Variants in KDM5A observed in about 807,000 individuals in gnomAD.
KDM5A encodes the protein lysine-specific demethylase 5A.
Under a neutral mutation model 193.5 loss-of-function variants are expected in KDM5A, and 42 were observed. The ratio of observed to expected loss-of-function variants is 0.22; its 90% CI spans 0.17 to 0.28. The LOEUF (loss-of-function observed/expected upper bound fraction) is 0.28, where lower values mean the gene tolerates loss of function less well. KDM5A is among the 10% of genes least tolerant of loss of function. The pLI, the probability that KDM5A is intolerant of heterozygous loss-of-function variation, is 1.00. For missense variants in KDM5A, 1,692 were observed against 2,055.1 expected (o/e 0.82, Z 3.42); for synonymous variants, 796 against 718.1 (o/e 1.11, Z -1.73).
intron 10 of KDM5A, among the ~76,000 whole-genome samples, chr12:343,316 T>G (rs899292024): frequency 2.6e-5 from 4 of 152,216 alleles, no homozygotes; most frequent in Admixed American, 2.0e-4. Context: ...CAAGGCCTAC[T>G]GCCTCTAGAC....
intron 25 of KDM5A, 25 bp downstream of exon 25, chr12:297,016 C>G: frequency 6.2e-7 from 1 of 1,611,078 alleles, no homozygotes; most frequent in Non-Finnish European, 8.5e-7. Context: ...CTTATGTTCC[C>G]CACAGTTTTT....
At chr12:294,411 G>C (rs1330396358) in intron 26 of KDM5A, among the ~76,000 whole-genome samples, 1 of 152,100 alleles carries the variant, frequency 6.6e-6, no homozygotes, top group African/African-American at 2.4e-5. Flanking sequence ...AGGAACCTAA[G>C]AATCAGCAGA....
Position 285,338 on chromosome 12 carries a change from T to C in KDM5A, c.*118A>G. 1.2e-6 allele frequency: 1 copy of C among 868,170 alleles called. No individual in the cohort carries two copies. The highest frequency in any genetic ancestry group is 1.9e-6 in the Non-Finnish European group (1 of 533,552). 53.8% of individuals were successfully genotyped at this position (868,170 alleles called of 1,614,324 possible). A position where few individuals can be genotyped will look rare whatever the true frequency, so the allele number is the denominator to read the frequency against. ...GGAAGCCAGCACTAAGGGGACTTTCTCTGAAGGCCATTCATCTTTGGAAGC... is the reference window on the plus strand; with the variant it reads ...GGAAGCCAGCACTAAGGGGACTTTCCCTGAAGGCCATTCATCTTTGGAAGC... On this transcript the variant is annotated 3_prime_UTR_variant, in exon 28 of 28. Coordinates refer to ENST00000399788, the MANE Select transcript of KDM5A (RefSeq NM_001042603.3).
chr12:306,972 G>A lies in KDM5A; in HGVS notation c.4048C>T (p.Arg1350Ter), dbSNP rs775280239. The A allele has an allele frequency of 6.2e-7, 1 of 1,613,110 alleles. No individual in the cohort carries two copies. The highest frequency in any genetic ancestry group is 8.5e-7 in the Non-Finnish European group (1 of 1,179,896). The change falls in exon 24 of 28, where the codon CGA becomes TGA. Residue 1350 changes from arginine (R) to a stop codon, truncating the protein, a stop_gained. Coordinates refer to ENST00000399788, the MANE Select transcript of KDM5A (RefSeq NM_001042603.3). LOFTEE classifies it high-confidence loss of function. ...TTCATGTCGTAGCCATATGTCTCTC[G>A]AATGTCTTCATCAGAGTCTGTTTCT... ...DEETDSDEDI[R>*]ETYGYDMKDT...
chr12:384,281 A>G lies in KDM5A; in HGVS notation c.244-128T>C. The G allele has an allele frequency of 5.6e-6, 4 of 717,890 alleles. No individual in the cohort carries two copies. The South Asian group carries it at 5.7e-5, about 10-fold the overall frequency. 44.5% of individuals were successfully genotyped at this position (717,890 alleles called of 1,614,324 possible). On this transcript the variant is annotated intron_variant, in intron 2 of 27. Coordinates refer to ENST00000399788, the MANE Select transcript of KDM5A (RefSeq NM_001042603.3). ...CGGCCTGTTAGGAACCCAGCCACAC[A>G]GCAGGAGGTGAGCAGCGGCAGTGGG...
At chr12:362,348 CAAAA>C (rs1303990959) in intron 5 of KDM5A, among the ~76,000 whole-genome samples, 1 of 151,804 alleles carries the variant, frequency 6.6e-6, no homozygotes, top group Non-Finnish European at 1.5e-5. Flanking sequence ...GGGAATCAGA[CAAAA>C]AATAAATTAG....
chr12:356,475 C>T lies in KDM5A; in HGVS notation c.735G>A (p.Gly245=), dbSNP rs1275662898. 1 of 1,613,670 alleles carries T rather than the reference C, an allele frequency of 6.2e-7. No individual in the cohort carries two copies. Among genetic ancestry groups the T allele is most frequent in the South Asian group, 1.1e-5 (1 of 91,074 alleles). ...CCATTGCCAAGCCCACAACCTTGGG[C>T]CCAGCCCCAAAAATCTGAAGTTTCT... is the stretch of plus-strand genomic sequence containing the variant. The part of the protein sequence containing the change: ...ELKKLQIFGA[G]PKVVGLAMGT... Residue 245 remains glycine (G), a synonymous_variant, in exon 6 of 28, where the codon GGG becomes GGA. Transcript: ENST00000399788.
intron 20 of KDM5A, among the ~76,000 whole-genome samples, chr12:312,338 G>A (rs1943598151): frequency 6.6e-6 from 1 of 151,984 alleles, no homozygotes; most frequent in African/African-American, 2.4e-5. Context: ...TCCCTTACAT[G>A]CCTGCTCCCA....
At chr12:362,909 A>C in intron 5 of KDM5A, 54 bp downstream of exon 5, 1 of 1,557,130 alleles carries the variant, frequency 6.4e-7, no homozygotes, top group Admixed American at 1.7e-5. Flanking sequence ...CCTGGGCAAC[A>C]TCAGGAGACT....
At chr12:376,787 T>C (rs1000358765) in intron 3 of KDM5A, among the ~76,000 whole-genome samples, 1 of 151,752 alleles carries the variant, frequency 6.6e-6, no homozygotes, top group African/African-American at 2.4e-5. Flanking sequence ...TCTAAAAAAA[T>C]CCACTAAAAA....
chr12:352,441 C>A (rs1944175266), intron 8 of KDM5A, 117 bp from the exon 9 acceptor site: 6 of 878,088 alleles, frequency 6.8e-6, no homozygotes, highest in Middle Eastern at 6.6e-4. Flanking sequence ...CCAGTCAACC[C>A]TAGACAACAA....
intron 20 of KDM5A, among the ~76,000 whole-genome samples, chr12:312,782 G>A (rs184370930): frequency 6.6e-6 from 1 of 152,154 alleles, no homozygotes; most frequent in East Asian, 1.9e-4. Flanking sequence ...GACTGACTGG[G>A]AGCTGTGGCT....
Position 284,320 on chromosome 12 carries a change from G to A in KDM5A, c.*1136C>T, listed in dbSNP as rs1291913760. 1 of 229,344 alleles carries A rather than the reference G, an allele frequency of 4.4e-6. No individual in the cohort carries two copies. The highest frequency in any genetic ancestry group is 8.6e-6 in the Non-Finnish European group (1 of 115,696). The allele number at this position is 229,344 out of a possible 1,614,324, so 14.2% of individuals were successfully genotyped here. On this transcript the variant is annotated 3_prime_UTR_variant, in exon 28 of 28. Transcript: ENST00000399788. ...GACATTTAGAAAAAAGTAAAAACAA[G>A]TCCTTTTTTTTTTTTAAAAATGGAT...
rs199915159 is a variant in KDM5A at position 284,638 on chromosome 12, CTTTT to C, written c.*814_*817del. 4.9e-6 allele frequency: 1 copy of C among 204,502 alleles called. No homozygotes were observed. The highest frequency in any genetic ancestry group is 6.1e-5 in the Admixed American group (1 of 16,336). 12.7% of individuals were successfully genotyped at this position (204,502 alleles called of 1,614,324 possible). Reference sequence around the variant, plus strand: ...CTGGTCATCATCGTCATCTTCTTCTCTTTTTTTTTTTGGCAGAAGCCTGGATCCA... The same window carrying C: ...CTGGTCATCATCGTCATCTTCTTCTCTTTTTTTGGCAGAAGCCTGGATCCA... On this transcript the variant is annotated 3_prime_UTR_variant, in exon 28 of 28. Coordinates refer to ENST00000399788, the MANE Select transcript of KDM5A (RefSeq NM_001042603.3).
intron 14 of KDM5A, among the ~76,000 whole-genome samples, chr12:327,999 G>C (rs1025519301): frequency 6.6e-6 from 1 of 151,862 alleles, no homozygotes; most frequent in Non-Finnish European, 1.5e-5. Flanking sequence ...GGGCGACAGA[G>C]AGAGAACCCA....
chr12:314,562 T>A (rs1038441563), intron 19 of KDM5A, among the ~76,000 whole-genome samples: 16 of 152,136 alleles, frequency 1.1e-4, no homozygotes, highest in Admixed American at 1.0e-3. Context: ...GTAAGTGTAA[T>A]GATAAATGAA....
intron 24 of KDM5A, among the ~76,000 whole-genome samples, chr12:305,318 T>A (rs1416042358): frequency 6.6e-6 from 1 of 152,206 alleles, no homozygotes; most frequent in Non-Finnish European, 1.5e-5. Context: ...AATTCAAGTT[T>A]CAACTGTTTT....
chr12:319,034 G>C (rs1943683928), intron 18 of KDM5A, among the ~76,000 whole-genome samples: 1 of 152,208 alleles, frequency 6.6e-6, no homozygotes, highest in Non-Finnish European at 1.5e-5. Context: ...AAAGAAGAAT[G>C]AGCTTGGTGT....
chr12:358,482 T>C (rs992565797), intron 5 of KDM5A, among the ~76,000 whole-genome samples: 1 of 152,206 alleles, frequency 6.6e-6, no homozygotes, highest in Non-Finnish European at 1.5e-5. Context: ...GCAGAGTATA[T>C]AACAATAAAG....
Sources: allele counts gnomAD v4.1 joint callset (sites outside exome capture counted in the v4.1 genomes callset), GRCh38; gene constraint gnomAD v4.1.1; transcripts MANE v1.5; gene names NCBI Gene and HGNC (gene_info 2026-07-23, HGNC 2026-07-21).